The following LTBP1 variants were observed in gnomAD, a reference collection of about 807,000 sequenced individuals.
LTBP1 encodes latent-transforming growth factor beta-binding protein 1.
In LTBP1, 129 loss-of-function variants were observed where a neutral mutation model predicts 207.6. The ratio of observed to expected loss-of-function variants is 0.62; its 90% CI spans 0.54 to 0.72. The LOEUF is 0.72. Ranked by LOEUF, LTBP1 falls within the 30% of genes least tolerant of loss-of-function variation. The probability of loss-of-function intolerance (pLI) is 0.00; values close to 1 mark genes in which losing one functional copy is unlikely to be tolerated. For synonymous variants in LTBP1, 963 were observed against 833.7 expected (o/e 1.16, Z -2.67); for missense variants, 2,281 against 2,217.2 (o/e 1.03, Z -0.58).
At chr2:33,121,683 A>G (rs549520550) in intron 4 of LTBP1, among the ~76,000 whole-genome samples, 1 of 152,222 alleles carries the variant, frequency 6.6e-6, no homozygotes, top group Admixed American at 6.5e-5. Context: ...TTAGAAGGTT[A>G]CGGCGTAATC....
intron 24 of LTBP1, among the ~76,000 whole-genome samples, chr2:33,320,044 C>T (rs2094331686): frequency 6.6e-6 from 1 of 152,096 alleles, no homozygotes; most frequent in Non-Finnish European, 1.5e-5. Flanking sequence ...TACTTAGAGG[C>T]AATAACTAAT....
At chr2:32,993,922 G>A (rs1684834278) in intron 2 of LTBP1, among the ~76,000 whole-genome samples, 3 of 151,062 alleles carry the variant, frequency 2.0e-5, no homozygotes, top group Admixed American at 2.0e-4. Flanking sequence ...GGGACCTCTG[G>A]GCTCATTTAC....
chr2:33,061,951 A>G (rs1414401665), intron 3 of LTBP1, among the ~76,000 whole-genome samples: 1 of 152,170 alleles, frequency 6.6e-6, no homozygotes, highest in Non-Finnish European at 1.5e-5. Context: ...TGGTTGCACC[A>G]CATCTGGGCT....
chr2:33,208,159 A>C (rs916253135), intron 7 of LTBP1, among the ~76,000 whole-genome samples: 1 of 152,212 alleles, frequency 6.6e-6, no homozygotes, highest in Non-Finnish European at 1.5e-5. Context: ...TTTGTGCCAG[A>C]ATGTTAGAGT....
At chr2:33,085,255 G>T (rs1249819531) in intron 3 of LTBP1, among the ~76,000 whole-genome samples, 4 of 152,304 alleles carry the variant, frequency 2.6e-5, no homozygotes, top group Middle Eastern at 3.4e-3. Flanking sequence ...ACCCGAGAGA[G>T]AATACATTTC....
intron 26 of LTBP1, among the ~76,000 whole-genome samples, chr2:33,347,935 G>A (rs530002057): frequency 6.6e-6 from 1 of 152,264 alleles, no homozygotes; most frequent in African/African-American, 2.4e-5. Flanking sequence ...AGGCCTCTTA[G>A]GATCTACAAA....
chr2:33,274,717 C>T (rs1480323023), intron 16 of LTBP1, among the ~76,000 whole-genome samples: 1 of 152,174 alleles, frequency 6.6e-6, no homozygotes, highest in African/African-American at 2.4e-5. Context: ...TGAAATCTGC[C>T]TCTTTGAAAC....
chr2:33,301,711 C>A, intron 22 of LTBP1, 67 bp downstream of exon 22: 1 of 1,380,778 alleles, frequency 7.2e-7, no homozygotes, highest in Non-Finnish European at 9.7e-7. Flanking sequence ...GGCATCATCT[C>A]AGCCTTGATC....
In LTBP1 at chr2:33,071,199, C is replaced by T. The variant is rs139578179; in HGVS notation, c.864-39383C>T. ...TTCAGGCCACTTCCAAGCTTACTCA[C>T]GTGGCTTTGGGTAGGTCTTGGTTCC... On this transcript the variant is annotated intron_variant, in intron 3 of 33. Coordinates refer to ENST00000404816, the MANE Select transcript of LTBP1 (RefSeq NM_206943.4). Among the ~76,000 whole-genome samples the T allele has an allele frequency of 8.9e-4, 135 of 152,292 alleles. 2 individuals carry two copies. Among genetic ancestry groups the T allele is most frequent in the Admixed American group, 5.4e-3 (83 of 15,298 alleles).
intron 11 of LTBP1, among the ~76,000 whole-genome samples, chr2:33,255,401 A>G (rs2092822445): frequency 6.6e-6 from 1 of 152,104 alleles, no homozygotes; most frequent in African/African-American, 2.4e-5. Context: ...AAACTAGTTC[A>G]ACCATTGTGG....
intron 23 of LTBP1, among the ~76,000 whole-genome samples, chr2:33,313,621 G>A (rs1268856531): frequency 4.6e-5 from 7 of 152,328 alleles, no homozygotes; most frequent in South Asian, 4.1e-4. Context: ...ATAGGAAAAC[G>A]ACCTTAGTGG....
At chr2:33,014,638 A>G (rs952719963) in intron 2 of LTBP1, among the ~76,000 whole-genome samples, 1 of 152,350 alleles carries the variant, frequency 6.6e-6, no homozygotes, top group Middle Eastern at 3.4e-3. Flanking sequence ...AGTTTTAAAT[A>G]TAACTAAGGG....
chr2:32,961,187 T>C (rs1679048559), intron 2 of LTBP1, among the ~76,000 whole-genome samples: 2 of 152,336 alleles, frequency 1.3e-5, no homozygotes, highest in Admixed American at 6.5e-5. Context: ...ACACAAATTA[T>C]TCTCATAGCC....
At chr2:33,161,240 A>C (rs1235669355) in intron 5 of LTBP1, among the ~76,000 whole-genome samples, 1 of 151,866 alleles carries the variant, frequency 6.6e-6, no homozygotes, top group African/African-American at 2.4e-5. Context: ...GTAGAGGTTA[A>C]ATAGGAAGCT....
At chr2:33,164,147 G>A (rs1034012106) in intron 5 of LTBP1, among the ~76,000 whole-genome samples, 6 of 151,610 alleles carry the variant, frequency 4.0e-5, no homozygotes, top group African/African-American at 1.5e-4. Context: ...TCAGGAGTTC[G>A]AGACCAGCCT....
At chr2:33,396,040 C>G (rs956847169) in intron 32 of LTBP1, among the ~76,000 whole-genome samples, 2 of 151,928 alleles carry the variant, frequency 1.3e-5, no homozygotes, top group Admixed American at 1.3e-4. Flanking sequence ...GCTAAACACT[C>G]TTGATGCCTG....
intron 25 of LTBP1, among the ~76,000 whole-genome samples, 199 bp from the exon 26 acceptor site, chr2:33,347,168 T>C (rs545305689): frequency 6.3e-4 from 95 of 151,684 alleles, no homozygotes; most frequent in African/African-American, 2.3e-3. Flanking sequence ...TCTTGAATTT[T>C]CATAGTCCTT....
chr2:33,108,350 AC>A (rs1356964345), intron 3 of LTBP1, among the ~76,000 whole-genome samples: 1 of 152,020 alleles, frequency 6.6e-6, no homozygotes, highest in Non-Finnish European at 1.5e-5. Context: ...TGTGTTTGTA[AC>A]TTGAGGAATA....
In LTBP1 at chr2:33,326,985, T is replaced by C. The variant is rs568370295; in HGVS notation, c.3730+11716T>C. On this transcript the variant is annotated intron_variant, in intron 24 of 33. Coordinates refer to ENST00000404816, the MANE Select transcript of LTBP1 (RefSeq NM_206943.4). ...AATACTTTAATAATTCTTAGGACTC[T>C]TGGCTGTTCAAAAAAATCAAGATGT... Among the ~76,000 whole-genome samples the C allele has an allele frequency of 1.8e-4, 28 of 152,300 alleles. No individual in the cohort carries two copies. In the East Asian group the frequency reaches 2.9e-3, roughly 16 times the overall value.
Sources: allele counts gnomAD v4.1 joint callset (sites outside exome capture counted in the v4.1 genomes callset), GRCh38; gene constraint gnomAD v4.1.1; transcripts MANE v1.5; gene names NCBI Gene and HGNC (gene_info 2026-07-23, HGNC 2026-07-21).